The following PANK3 variants were observed in gnomAD, a reference collection of about 807,000 sequenced individuals.
PANK3 encodes hPanK3.
Under a neutral mutation model 39.4 loss-of-function variants are expected in PANK3, and 20 were observed. That is an observed-to-expected ratio of 0.51 (90% CI 0.36 to 0.74). The LOEUF (loss-of-function observed/expected upper bound fraction) is 0.74, where lower values mean the gene tolerates loss of function less well. Ranked by LOEUF, PANK3 falls within the 30% of genes least tolerant of loss-of-function variation. The probability of loss-of-function intolerance (pLI) is 0.00; values close to 1 mark genes in which losing one functional copy is unlikely to be tolerated. For synonymous variants in PANK3, 140 were observed against 157.3 expected (o/e 0.89, Z 0.82); for missense variants, 265 against 437.0 (o/e 0.61, Z 3.51).
chr5:168,568,769 C>T lies in PANK3; in HGVS notation c.258G>A (p.Arg86=), dbSNP rs1369653706. 12 of 1,613,950 alleles carry T rather than the reference C, an allele frequency of 7.4e-6. No individual in the cohort carries two copies. The highest frequency in any genetic ancestry group is 9.3e-6 in the Non-Finnish European group (11 of 1,180,004). ...AAGTAGGCAGGTCCTGGGTTGGAAA[C>T]CTGATAAAGTGCAAGTTCCCTCTTC... ...FGRRGNLHFI[R]FPTQDLPTFI... is the part of the protein sequence containing the mutation. The change falls in exon 2 of 7, where the codon AGG becomes AGA. Residue 86 remains arginine (R), a synonymous_variant. Coordinates refer to ENST00000239231, the MANE Select transcript of PANK3 (RefSeq NM_024594.4).
intron 2 of PANK3, 121 bp from the exon 3 acceptor site, chr5:168,566,387 G>A (rs761937769): frequency 1.7e-5 from 19 of 1,111,060 alleles, no homozygotes; most frequent in Non-Finnish European, 2.1e-5. Flanking sequence ...TTTTCATTTT[G>A]TTTCATGTCA....
chr5:168,559,278 G>A (rs1005504895), intron 5 of PANK3, 121 bp from the exon 6 acceptor site: 3 of 596,282 alleles, frequency 5.0e-6, no homozygotes, highest in Non-Finnish European at 8.0e-6. Flanking sequence ...CGCTTTATTA[G>A]TATAACACCT....
rs1288892942 is a variant in PANK3, at chr5:168,549,123, C to A, written c.*8448G>T. The A allele has an allele frequency of 6.6e-6, 1 of 152,126 alleles. No individual in the cohort carries two copies. Among genetic ancestry groups the A allele is most frequent in the Admixed American group, 6.5e-5 (1 of 15,268 alleles). 9.4% of individuals were successfully genotyped at this position (152,126 alleles called of 1,614,324 possible). ...CTGTAGTTTAAATAAAAAGTAAAAG[C>A]ACACAGTGTATAAAAAATAATAAAA... On this transcript the variant is annotated 3_prime_UTR_variant, in exon 7 of 7. Transcript: ENST00000239231.
At position 168,557,360 on chromosome 5, in the gene PANK3, A is replaced by G. The variant is rs1292039966; in HGVS notation, c.*211T>C. The stretch of plus-strand genomic sequence containing the variant: ...AATAATCAGAGGCTGTATTGCATTT[A>G]AGGATTTAACACTGGCTATATACAA... On this transcript the variant is annotated 3_prime_UTR_variant, in exon 7 of 7. Coordinates refer to ENST00000239231, the MANE Select transcript of PANK3 (RefSeq NM_024594.4). 1 of 542,438 alleles carries G rather than the reference A, an allele frequency of 1.8e-6. No homozygotes were observed. The highest frequency in any genetic ancestry group is 3.2e-6 in the Non-Finnish European group (1 of 308,010). The allele number at this position is 542,438 out of a possible 1,614,324, so 33.6% of individuals were successfully genotyped here. A position where few individuals can be genotyped will look rare whatever the true frequency, so the allele number is the denominator to read the frequency against.
At chr5:168,563,809 T>C (rs1047459570) in intron 4 of PANK3, 80 bp downstream of exon 4, 4 of 1,315,794 alleles carry the variant, frequency 3.0e-6, no homozygotes, top group Non-Finnish European at 4.1e-6. Flanking sequence ...TACAACTTTC[T>C]GTTACATTGC....
At chr5:168,574,749 T>A (rs988412059) in intron 1 of PANK3, among the ~76,000 whole-genome samples, 3 of 152,006 alleles carry the variant, frequency 2.0e-5, no homozygotes, top group African/African-American at 7.3e-5. Flanking sequence ...TAATCCCAGC[T>A]ACTTGGGAGG....
Position 168,579,293 on chromosome 5 carries a change from C to A in PANK3, c.-10G>T, listed in dbSNP as rs2113045452. On this transcript the variant is annotated 5_prime_UTR_variant, in exon 1 of 7. Coordinates refer to ENST00000239231, the MANE Select transcript of PANK3 (RefSeq NM_024594.4). Reference sequence around the variant, plus strand: ...CATCTTTGATCTTCATGGCGTCGGCCCGAGGGGCGATGGACGGCCTCCGAT... The same window carrying A: ...CATCTTTGATCTTCATGGCGTCGGCACGAGGGGCGATGGACGGCCTCCGAT... 1.3e-6 allele frequency: 2 copies of A among 1,485,394 alleles called. No individual in the cohort carries two copies. Among genetic ancestry groups the A allele is most frequent in the South Asian group, 2.6e-5 (2 of 75,880 alleles). 92.0% of individuals were successfully genotyped at this position (1,485,394 alleles called of 1,614,324 possible).
chr5:168,572,110 C>CT (rs34970571), intron 1 of PANK3, among the ~76,000 whole-genome samples: 14,940 of 101,346 alleles, frequency 0.15, 1,882 homozygotes, highest in East Asian at 0.39. Flanking sequence ...CAACATAGGC[C>CT]TTTTTTTTTT....
chr5:168,577,957 T>C (rs1759754259), intron 1 of PANK3, among the ~76,000 whole-genome samples: 1 of 152,252 alleles, frequency 6.6e-6, no homozygotes, highest in African/African-American at 2.4e-5. Flanking sequence ...TTACTTTTCA[T>C]TTAAGCCTTC....
chr5:168,553,458 T>A lies in PANK3; in HGVS notation c.*4113A>T. The stretch of plus-strand genomic sequence containing the variant: ...CATTGAACTGCACCTGCCAAAGTGG[T>A]TGACAAAGAGTGCAACAGAAAGGAG... On this transcript the variant is annotated 3_prime_UTR_variant, in exon 7 of 7. Transcript: ENST00000239231. 1 of 393,688 alleles carries A rather than the reference T, an allele frequency of 2.5e-6. No homozygotes were observed. The highest frequency in any genetic ancestry group is 5.1e-6 in the Non-Finnish European group (1 of 194,228). 24.4% of individuals were successfully genotyped at this position (393,688 alleles called of 1,614,324 possible). A position where few individuals can be genotyped will look rare whatever the true frequency, so the allele number is the denominator to read the frequency against.
At chr5:168,573,322 A>C (rs1759671891) in intron 1 of PANK3, among the ~76,000 whole-genome samples, 1 of 151,108 alleles carries the variant, frequency 6.6e-6, no homozygotes. Context: ...TTTACACTGA[A>C]ATCCTTTCAA....
intron 1 of PANK3, 23 bp downstream of exon 1, chr5:168,579,233 G>T: frequency 6.7e-7 from 1 of 1,486,588 alleles, no homozygotes; most frequent in Non-Finnish European, 9.0e-7. Context: ...TCCCAACCTG[G>T]CGGGCCCCAG....
chr5:168,573,017 T>C (rs962070009), intron 1 of PANK3, among the ~76,000 whole-genome samples: 3 of 151,978 alleles, frequency 2.0e-5, no homozygotes, highest in Admixed American at 6.6e-5. Flanking sequence ...TTTGGATGAA[T>C]TGAGAAACTA....
Position 168,579,329 on chromosome 5 carries a change from G to C in PANK3, c.-46C>G, listed in dbSNP as rs1582471179. On this transcript the variant is annotated 5_prime_UTR_variant, in exon 1 of 7. Coordinates refer to ENST00000239231, the MANE Select transcript of PANK3 (RefSeq NM_024594.4). ...TGGACGGCCTCCGATCCGGGGCACT[G>C]AGAGCAGAGGCGGCGACTCCGGAGG... 7.1e-7 allele frequency: 1 copy of C among 1,418,130 alleles called. No individual in the cohort carries two copies. The highest frequency in any genetic ancestry group is 9.3e-7 in the Non-Finnish European group (1 of 1,078,222). 87.8% of individuals were successfully genotyped at this position (1,418,130 alleles called of 1,614,324 possible).
rs2113099294 is a variant in PANK3, at chr5:168,554,400, G to C, written c.*3171C>G. 1 of 152,266 alleles carries C rather than the reference G, an allele frequency of 6.6e-6. No homozygotes were observed. The highest frequency in any genetic ancestry group is 1.5e-5 in the Non-Finnish European group (1 of 68,006). 9.4% of individuals were successfully genotyped at this position (152,266 alleles called of 1,614,324 possible). A position where few individuals can be genotyped will look rare whatever the true frequency, so the allele number is the denominator to read the frequency against. Reference sequence around the variant, plus strand: ...AATAGTTTTCAGTAGACTATCAAGAGATGCATGATAAAGACATTTCCCCAT... The same window carrying C: ...AATAGTTTTCAGTAGACTATCAAGACATGCATGATAAAGACATTTCCCCAT... On this transcript the variant is annotated 3_prime_UTR_variant, in exon 7 of 7. Coordinates refer to ENST00000239231, the MANE Select transcript of PANK3 (RefSeq NM_024594.4).
rs543643077 is a variant in PANK3, at chr5:168,568,880, C to T, written c.147G>A (p.Arg49=). The part of the protein sequence containing the change: ...QEEVESLKSI[R]KYLTSNVAYG... ...ATGCCACGTTAGAAGTCAAATATTTCCGAATACTTTTTAAACTCTCAACTT... is the reference window on the plus strand; with the variant it reads ...ATGCCACGTTAGAAGTCAAATATTTTCGAATACTTTTTAAACTCTCAACTT... Residue 49 remains arginine (R), a synonymous_variant, in exon 2 of 7, where the codon CGG becomes CGA. Transcript: ENST00000239231. The T allele has an allele frequency of 2.0e-5, 32 of 1,613,510 alleles. No homozygotes were observed. The highest frequency in any genetic ancestry group is 1.5e-4 in the African/African-American group (11 of 74,872).
chr5:168,575,963 A>T (rs1392833017), intron 1 of PANK3, among the ~76,000 whole-genome samples: 3 of 152,216 alleles, frequency 2.0e-5, no homozygotes, highest in African/African-American at 7.2e-5. Context: ...ATAACGCTTC[A>T]ACTTCCTGGA....
Position 168,553,302 on chromosome 5 carries a change from G to T in PANK3, c.*4269C>A. The T allele has an allele frequency of 1.9e-6, 1 of 530,680 alleles. No individual in the cohort carries two copies. The highest frequency in any genetic ancestry group is 3.8e-6 in the Non-Finnish European group (1 of 265,866). The allele number at this position is 530,680 out of a possible 1,614,324, so 32.9% of individuals were successfully genotyped here. A position where few individuals can be genotyped will look rare whatever the true frequency, so the allele number is the denominator to read the frequency against. ...TAGGCGAGATCTCTCCAATGTACAT[G>T]GGCACAAAACTTGTGCAGAGTCCGC... On this transcript the variant is annotated 3_prime_UTR_variant, in exon 7 of 7. Coordinates refer to ENST00000239231, the MANE Select transcript of PANK3 (RefSeq NM_024594.4).
At chr5:168,562,147 A>C (rs888566612) in intron 4 of PANK3, among the ~76,000 whole-genome samples, 1 of 152,202 alleles carries the variant, frequency 6.6e-6, no homozygotes, top group Admixed American at 6.5e-5. Context: ...TGTAATGGAC[A>C]ATGCAGGCCT....
Sources: gnomAD v4.1 joint callset for allele counts (sites outside exome capture counted in the v4.1 genomes callset) on GRCh38, gnomAD v4.1.1 for gene constraint, MANE v1.5 for transcripts, NCBI Gene and HGNC (gene_info 2026-07-23, HGNC 2026-07-21) for gene names.